RNGTT: variants seen among roughly 807,000 people sequenced by gnomAD.
The protein encoded by RNGTT is RNA guanylyltransferase and 5'-phosphatase.
Under a neutral mutation model 79.3 loss-of-function variants are expected in RNGTT, and 33 were observed. The observed-to-expected ratio is 0.42, with a 90% CI of 0.32 to 0.56. The LOEUF is 0.56. Among genes scored for constraint, RNGTT ranks in the 20% least tolerant of loss-of-function variants. The pLI is 0.17. For synonymous variants in RNGTT, 222 were observed against 235.9 expected (o/e 0.94, Z 0.54); for missense variants, 497 against 739.1 (o/e 0.67, Z 3.80).
At chr6:88,617,415 C>T (rs1485781000) in intron 14 of RNGTT, among the ~76,000 whole-genome samples, 2 of 152,154 alleles carry the variant, frequency 1.3e-5, no homozygotes, top group Non-Finnish European at 2.9e-5. Flanking sequence ...ATTGCTTTCC[C>T]AACACTGTTA....
chr6:88,795,621 C>T (rs577401062), intron 12 of RNGTT, among the ~76,000 whole-genome samples: 3 of 151,978 alleles, frequency 2.0e-5, no homozygotes, highest in African/African-American at 7.3e-5. Context: ...CACCATGGCA[C>T]GTGTATACCT....
chr6:88,673,178 C>A lies in RNGTT; in HGVS notation c.1506+5175G>T, dbSNP rs374661378. On this transcript the variant is annotated intron_variant, in intron 14 of 15. Transcript: ENST00000369485. ...CTGTGATGTTAATGAATGAGAATGT[C>A]TTTTCCTCCATGATCAAGTGAACAA... Among the ~76,000 whole-genome samples the A allele has an allele frequency of 2.0e-4, 31 of 152,308 alleles. No individual in the cohort carries two copies. The South Asian group carries it at 6.0e-3, about 30-fold the overall frequency.
chr6:88,797,342 G>T (rs1449258800), intron 12 of RNGTT, among the ~76,000 whole-genome samples: 1 of 152,054 alleles, frequency 6.6e-6, no homozygotes, highest in African/African-American at 2.4e-5. Context: ...ATAAGTATAA[G>T]GACCAGTTTG....
At chr6:88,714,504 G>GCT (rs1776434063) in intron 13 of RNGTT, 2 of 88,754 alleles carry the variant, frequency 2.3e-5, no homozygotes, top group Non-Finnish European at 3.8e-5. Context: ...GTGCAGTGGC[G>GCT]GGATCTCGGC....
At chr6:88,754,717 A>T (rs1431666148) in intron 13 of RNGTT, among the ~76,000 whole-genome samples, 1 of 152,202 alleles carries the variant, frequency 6.6e-6, no homozygotes, top group East Asian at 1.9e-4. Flanking sequence ...CACCTGGCCT[A>T]CCCAGGGAGG....
intron 11 of RNGTT, among the ~76,000 whole-genome samples, chr6:88,814,378 G>T (rs954900605): frequency 1.3e-5 from 2 of 152,142 alleles, no homozygotes; most frequent in African/African-American, 4.8e-5. Flanking sequence ...TTTGTTGTGT[G>T]TCATGGTCAT....
intron 11 of RNGTT, 117 bp from the exon 12 acceptor site, chr6:88,801,749 A>G (rs941611828): frequency 1.6e-6 from 1 of 639,028 alleles, no homozygotes; most frequent in African/African-American, 1.9e-5. Flanking sequence ...GAACTGAAAT[A>G]CAAAATAAGA....
At chr6:88,897,254 T>G (rs1783281934) in intron 6 of RNGTT, among the ~76,000 whole-genome samples, 1 of 152,184 alleles carries the variant, frequency 6.6e-6, no homozygotes, top group Non-Finnish European at 1.5e-5. Flanking sequence ...ACACCCAAAC[T>G]GAATTTCTCC....
intron 9 of RNGTT, among the ~76,000 whole-genome samples, 192 bp downstream of exon 9, chr6:88,853,437 A>G (rs1781737175): frequency 6.6e-6 from 1 of 152,018 alleles, no homozygotes; most frequent in Non-Finnish European, 1.5e-5. Context: ...CCCAGGAGGC[A>G]AAGGTTGCAG....
chr6:88,887,316 T>G (rs928374595), intron 8 of RNGTT, among the ~76,000 whole-genome samples: 1 of 152,208 alleles, frequency 6.6e-6, no homozygotes. Context: ...CCAGGACTCA[T>G]AGCTATTAAT....
chr6:88,685,879 A>G (rs1775259699), intron 13 of RNGTT, among the ~76,000 whole-genome samples: 1 of 151,914 alleles, frequency 6.6e-6, no homozygotes, highest in Non-Finnish European at 1.5e-5. Context: ...TTTTAGATGG[A>G]GAAGAATGCA....
chr6:88,827,066 A>G (rs1309004875), intron 11 of RNGTT, among the ~76,000 whole-genome samples: 2 of 151,936 alleles, frequency 1.3e-5, no homozygotes, highest in Non-Finnish European at 2.9e-5. Flanking sequence ...GTTGAGTTAC[A>G]CACTTTAAAA....
chr6:88,889,093 T>C (rs1286093484), intron 8 of RNGTT, among the ~76,000 whole-genome samples: 1 of 152,168 alleles, frequency 6.6e-6, no homozygotes, highest in East Asian at 1.9e-4. Context: ...GTCAATACCA[T>C]AAGGACAGTA....
At chr6:88,861,958 G>A (rs1447219384) in intron 8 of RNGTT, among the ~76,000 whole-genome samples, 2 of 152,082 alleles carry the variant, frequency 1.3e-5, no homozygotes, top group African/African-American at 4.8e-5. Context: ...AAGCTTTAGA[G>A]GCTAGTTTAG....
chr6:88,758,558 AAC>A (rs146443489), intron 13 of RNGTT, among the ~76,000 whole-genome samples: 1,904 of 152,348 alleles, frequency 0.012, 11 homozygotes, highest in Non-Finnish European at 0.019. Context: ...CCCTTTAAAA[AAC>A]ACAGAATGTT....
At chr6:88,925,619 T>A (rs982104337) in intron 4 of RNGTT, among the ~76,000 whole-genome samples, 2 of 150,872 alleles carry the variant, frequency 1.3e-5, no homozygotes, top group Non-Finnish European at 1.5e-5. Flanking sequence ...AACAACTAGC[T>A]GTTACTATCA....
chr6:88,794,307 T>C (rs1244665445), intron 12 of RNGTT, among the ~76,000 whole-genome samples: 2 of 152,230 alleles, frequency 1.3e-5, no homozygotes, highest in African/African-American at 4.8e-5. Flanking sequence ...AAGCCACTGA[T>C]AAGTTTTTTG....
intron 13 of RNGTT, among the ~76,000 whole-genome samples, chr6:88,707,977 C>A (rs1337613196): frequency 3.9e-5 from 6 of 151,930 alleles, no homozygotes; most frequent in African/African-American, 9.6e-5. Context: ...TCTAAGTAGA[C>A]AAGCAGAAGC....
intron 11 of RNGTT, among the ~76,000 whole-genome samples, chr6:88,803,178 A>G (rs1779841882): frequency 6.6e-6 from 1 of 152,136 alleles, no homozygotes; most frequent in South Asian, 2.1e-4. Flanking sequence ...AAAAATCTAT[A>G]TTTCCTTAAA....
Sources: allele counts gnomAD v4.1 joint callset (sites outside exome capture counted in the v4.1 genomes callset), GRCh38; gene constraint gnomAD v4.1.1; transcripts MANE v1.5; gene names NCBI Gene and HGNC (gene_info 2026-07-23, HGNC 2026-07-21).